The following SEC23IP variants were observed in gnomAD, a reference collection of about 807,000 sequenced individuals.
The protein encoded by SEC23IP is SEC23-interacting protein.
In SEC23IP, 70 loss-of-function variants were observed where a neutral mutation model predicts 113.4. That is an observed-to-expected ratio of 0.62 (90% CI 0.51 to 0.75). The LOEUF (loss-of-function observed/expected upper bound fraction) is 0.75. Ranked by LOEUF, SEC23IP falls within the 30% of genes least tolerant of loss-of-function variation. The pLI, the probability that SEC23IP is intolerant of heterozygous loss-of-function variation, is 0.00. For missense variants in SEC23IP, 1,160 were observed against 1,204.9 expected (o/e 0.96, Z 0.55); for synonymous variants, 398 against 421.0 (o/e 0.95, Z 0.67).
At chr10:119,928,620 A>G (rs372573028) in intron 13 of SEC23IP, among the ~76,000 whole-genome samples, 7 of 152,324 alleles carry the variant, frequency 4.6e-5, no homozygotes, top group South Asian at 2.1e-4. Context: ...CCCTCTTTCT[A>G]TGGACCTCTG....
At chr10:119,939,889 G>A (rs954824496) in intron 18 of SEC23IP, among the ~76,000 whole-genome samples, 1 of 152,024 alleles carries the variant, frequency 6.6e-6, no homozygotes, top group Non-Finnish European at 1.5e-5. Context: ...TAGAGACAGG[G>A]TTCCCCCAAG....
intron 1 of SEC23IP, among the ~76,000 whole-genome samples, chr10:119,896,460 C>T (rs1049894563): frequency 7.9e-5 from 12 of 152,244 alleles, no homozygotes; most frequent in Admixed American, 5.2e-4. Flanking sequence ...AGATAAACTC[C>T]GTTTTAGGCT....
intron 1 of SEC23IP, among the ~76,000 whole-genome samples, chr10:119,893,443 A>G (rs1186830125): frequency 6.6e-6 from 1 of 152,002 alleles, no homozygotes; most frequent in Non-Finnish European, 1.5e-5. Context: ...GATATCTTAT[A>G]AGATGGACTG....
At chr10:119,933,608 C>T (rs1389972874) in intron 17 of SEC23IP, 78 bp from the exon 18 acceptor site, 2 of 774,524 alleles carry the variant, frequency 2.6e-6, no homozygotes, top group Non-Finnish European at 4.5e-6. Flanking sequence ...AGAATAGAAC[C>T]TGCATTTTCA....
At chr10:119,895,720 A>C (rs750839343) in intron 1 of SEC23IP, among the ~76,000 whole-genome samples, 27 of 152,152 alleles carry the variant, frequency 1.8e-4, no homozygotes, top group Admixed American at 5.2e-4. Context: ...TGAAGTCTGA[A>C]GGTGTGAAAA....
Position 119,942,190 on chromosome 10 carries a change from T to C in SEC23IP, c.*1625T>C, listed in dbSNP as rs1172120141. 1.3e-5 allele frequency: 2 copies of C among 152,188 alleles called. No individual in the cohort carries two copies. The highest frequency in any genetic ancestry group is 2.9e-5 in the Non-Finnish European group (2 of 68,042). 9.4% of individuals were successfully genotyped at this position (152,188 alleles called of 1,614,324 possible). A position where few individuals can be genotyped will look rare whatever the true frequency, so the allele number is the denominator to read the frequency against. ...GTCATTCAGCCTGTCTTCTGAGTAA[T>C]GGGCAGAGAAGGACCAGGGTTCGTA... On this transcript the variant is annotated 3_prime_UTR_variant, in exon 19 of 19. Transcript: ENST00000369075.
At chr10:119,905,016 C>A (rs1854616734) in intron 4 of SEC23IP, among the ~76,000 whole-genome samples, 1 of 152,022 alleles carries the variant, frequency 6.6e-6, no homozygotes, top group Non-Finnish European at 1.5e-5. Context: ...CGCTAGTAGT[C>A]CGAGCTACTC....
chr10:119,920,039 A>T (rs1855197267), intron 11 of SEC23IP, among the ~76,000 whole-genome samples: 1 of 152,228 alleles, frequency 6.6e-6, no homozygotes, highest in Admixed American at 6.5e-5. Context: ...GAGAAATGGA[A>T]ATTGAAAGTA....
Position 119,940,985 on chromosome 10 carries a change from C to T in SEC23IP, c.*420C>T, listed in dbSNP as rs1169369100. On this transcript the variant is annotated 3_prime_UTR_variant, in exon 19 of 19. Transcript: ENST00000369075. ...TTTCTTTTTATTAATGCAGTATGTT[C>T]TTTTTATTCAAGTATGAACTTGTTG... 2 of 152,036 alleles carry T rather than the reference C, an allele frequency of 1.3e-5. No homozygotes were observed. Among genetic ancestry groups the T allele is most frequent in the African/African-American group, 4.8e-5 (2 of 41,396 alleles). The allele number at this position is 152,036 out of a possible 1,614,324, so 9.4% of individuals were successfully genotyped here.
chr10:119,913,490 A>G (rs1035572902), intron 6 of SEC23IP, among the ~76,000 whole-genome samples: 12 of 151,372 alleles, frequency 7.9e-5, no homozygotes, highest in Middle Eastern at 6.8e-3. Flanking sequence ...TCCGTTTTCC[A>G]TAAAGCTTTT....
At position 119,902,896 on chromosome 10, in the gene SEC23IP, A is replaced by G; in HGVS notation, c.794A>G (p.Gln265Arg). Residue 265 changes from glutamine to arginine, a missense_variant, in exon 3 of 19, where the codon CAA becomes CGA. Coordinates refer to ENST00000369075, the MANE Select transcript of SEC23IP (RefSeq NM_007190.4). ...CCATCTCCTTTTCTACTTCAAAACCAATATGAGCCTGTTCAGCCCCACTGG... is the reference window on the plus strand; with the variant it reads ...CCATCTCCTTTTCTACTTCAAAACCGATATGAGCCTGTTCAGCCCCACTGG... ...QVPSPFLLQN[Q>R]YEPVQPHWFY... 6.2e-7 allele frequency: 1 copy of G among 1,614,222 alleles called. No homozygotes were observed. The highest frequency in any genetic ancestry group is 1.3e-5 in the African/African-American group (1 of 75,050).
At chr10:119,908,698 C>T (rs534042345) in intron 4 of SEC23IP, among the ~76,000 whole-genome samples, 1 of 152,220 alleles carries the variant, frequency 6.6e-6, no homozygotes, top group Non-Finnish European at 1.5e-5. Context: ...CTTCCTGGCA[C>T]CTAATTTTCT....
intron 17 of SEC23IP, 123 bp downstream of exon 17, chr10:119,933,290 A>G (rs1430777234): frequency 2.8e-5 from 24 of 844,520 alleles, no homozygotes; most frequent in Non-Finnish European, 3.9e-5. Flanking sequence ...TTGAATTACT[A>G]TATGTTCAGA....
chr10:119,914,743 A>G lies in SEC23IP; in HGVS notation c.1326A>G (p.Gln442=), dbSNP rs551799287. Residue 442 remains glutamine (Q), a synonymous_variant, in exon 7 of 19, where the codon CAA becomes CAG. Coordinates refer to ENST00000369075, the MANE Select transcript of SEC23IP (RefSeq NM_007190.4). Reference sequence around the variant, plus strand: ...TTTTTTTGATAGGGGAGATGCCTCAAGTTGACCATTTGGTGTTTGTGGTGC... The same window carrying G: ...TTTTTTTGATAGGGGAGATGCCTCAGGTTGACCATTTGGTGTTTGTGGTGC... The part of the protein sequence containing the change: ...LDEIPDGEMP[Q]VDHLVFVVHG... 2.1e-4 allele frequency: 333 copies of G among 1,614,144 alleles called. 3 individuals carry two copies. The South Asian group carries it at 3.5e-3, about 17-fold the overall frequency.
intron 18 of SEC23IP, among the ~76,000 whole-genome samples, chr10:119,934,000 A>T (rs1855693879): frequency 6.6e-6 from 1 of 152,232 alleles, no homozygotes; most frequent in African/African-American, 2.4e-5. Context: ...TTTACATAGA[A>T]TTTGAGTTAT....
intron 2 of SEC23IP, among the ~76,000 whole-genome samples, chr10:119,901,046 G>T (rs200574497): frequency 1.1e-4 from 13 of 118,964 alleles, no homozygotes; most frequent in African/African-American, 3.1e-4. Flanking sequence ...TTAAAGAGTG[G>T]GGGGGGGGTC....
chr10:119,893,750 C>T (rs1458897689), intron 1 of SEC23IP, among the ~76,000 whole-genome samples: 1 of 152,054 alleles, frequency 6.6e-6, no homozygotes, highest in Admixed American at 6.6e-5. Context: ...AATCTCCTGA[C>T]CTCAAGTGAT....
intron 17 of SEC23IP, 147 bp downstream of exon 17, chr10:119,933,314 C>G: frequency 1.3e-6 from 1 of 746,400 alleles, no homozygotes; most frequent in Admixed American, 2.8e-5. Flanking sequence ...GTTATTTTTC[C>G]CCCTTAGTTA....
Position 119,942,099 on chromosome 10 carries a change from G to A in SEC23IP, c.*1534G>A, listed in dbSNP as rs141620802. 213 of 152,172 alleles carry A rather than the reference G, an allele frequency of 1.4e-3. No homozygotes were observed. Among genetic ancestry groups the A allele is most frequent in the African/African-American group, 4.7e-3 (197 of 41,480 alleles). 9.4% of individuals were successfully genotyped at this position (152,172 alleles called of 1,614,324 possible). On this transcript the variant is annotated 3_prime_UTR_variant, in exon 19 of 19. Transcript: ENST00000369075. ...TACTGATGAAATAAAGAAAAATGAGGGTTATTTATATACATTTCAATAAAA... is the reference window on the plus strand; with the variant it reads ...TACTGATGAAATAAAGAAAAATGAGAGTTATTTATATACATTTCAATAAAA...
Sources: gnomAD v4.1 joint callset for allele counts (sites outside exome capture counted in the v4.1 genomes callset) on GRCh38, gnomAD v4.1.1 for gene constraint, MANE v1.5 for transcripts, NCBI Gene and HGNC (gene_info 2026-07-23, HGNC 2026-07-21) for gene names.